Variants in FBLN1 observed in about 807,000 individuals in gnomAD.
FBLN1 encodes fibulin-1.
Under a neutral mutation model 89.7 loss-of-function variants are expected in FBLN1, and 34 were observed. That is an observed-to-expected ratio of 0.38 (90% CI 0.29 to 0.50). The LOEUF is 0.50. Ranked by LOEUF, FBLN1 falls within the 20% of genes least tolerant of loss-of-function variation. The pLI is 0.92. For missense variants in FBLN1, 777 were observed against 988.1 expected (o/e 0.79, Z 2.86); for synonymous variants, 393 against 391.3 (o/e 1.00, Z -0.05).
intron 2 of FBLN1, 30 bp from the exon 3 acceptor site, chr22:45,525,513 G>A (rs1216937370): frequency 1.3e-6 from 2 of 1,548,444 alleles, no homozygotes; most frequent in Non-Finnish European, 1.7e-6. Context: ...TGCGCACAGA[G>A]CCTTGGCCCA....
Position 45,526,521 on chromosome 22 carries a change from G to A in FBLN1, c.321+843G>A, listed in dbSNP as rs569066640. ...GCTTCTGTTGGAGGTGCCAGATGACGAAAATGCATTCCCTGGAAGAAGCTT... is the reference window on the plus strand; with the variant it reads ...GCTTCTGTTGGAGGTGCCAGATGACAAAAATGCATTCCCTGGAAGAAGCTT... On this transcript the variant is annotated intron_variant, in intron 3 of 16. Coordinates refer to ENST00000327858, the MANE Select transcript of FBLN1 (RefSeq NM_006486.3). 2.7e-4 allele frequency among the ~76,000 whole-genome samples: 41 copies of A among 150,662 alleles called. 2 individuals carry two copies. The South Asian group carries it at 4.7e-3, about 17-fold the overall frequency.
intron 1 of FBLN1, among the ~76,000 whole-genome samples, chr22:45,515,705 C>G (rs1011626804): frequency 6.6e-6 from 1 of 152,198 alleles, no homozygotes; most frequent in African/African-American, 2.4e-5. Context: ...GTTTAATCCT[C>G]CAGCGACTGT....
At chr22:45,509,681 A>G (rs2238803) in intron 1 of FBLN1, among the ~76,000 whole-genome samples, 83,365 of 151,862 alleles carry the variant, frequency 0.55, 23,207 homozygotes, top group East Asian at 0.8. Context: ...GCGTGGTGGT[A>G]GGCGCCTGTA....
At chr22:45,509,888 G>A (rs1457102440) in intron 1 of FBLN1, among the ~76,000 whole-genome samples, 1 of 152,126 alleles carries the variant, frequency 6.6e-6, no homozygotes, top group Non-Finnish European at 1.5e-5. Context: ...TGTGGGGCAG[G>A]TGGGGTGGGG....
chr22:45,555,266 AAATGGAATATATATATATATATAT>A (rs1431598967), intron 14 of FBLN1, among the ~76,000 whole-genome samples: 5 of 31,140 alleles, frequency 1.6e-4, no homozygotes, highest in South Asian at 1.1e-3. Flanking sequence ...TATATATATA[AAATGGAATATATATATATATATAT>A]AAAATGGAAT....
At chr22:45,534,035 C>T in intron 7 of FBLN1, 137 bp downstream of exon 7, 3 of 1,217,278 alleles carry the variant, frequency 2.5e-6, no homozygotes, top group Non-Finnish European at 3.6e-6. Flanking sequence ...TGCTCATCTG[C>T]AGGAGGGAGG....
Position 45,575,066 on chromosome 22 carries a change from G to C in FBLN1, c.1840+413G>C, listed in dbSNP as rs2088984667. ...CAAAGTGCTGGGATTACAGGCGTGA[G>C]CCACCGCGCCTGGCAACTTGACATG... is the stretch of plus-strand genomic sequence containing the variant. On this transcript the variant is annotated intron_variant, in intron 15 of 16. Transcript: ENST00000327858. The surrounding 1 kb of genome is among the most constrained non-coding windows in gnomAD (Gnocchi z 6.3). 6.6e-6 allele frequency among the ~76,000 whole-genome samples: 1 copy of C among 152,178 alleles called. No individual in the cohort carries two copies. Among genetic ancestry groups the C allele is most frequent in the Non-Finnish European group, 1.5e-5 (1 of 68,034 alleles).
At position 45,574,381 on chromosome 22, in the gene FBLN1, C is replaced by T. The variant is rs111747296; in HGVS notation, c.1698-130C>T. The stretch of plus-strand genomic sequence containing the variant: ...CCAGGCTGCAGAGACCACTGTCGTT[C>T]TCTGATGGAGCTGTCTCTGGGACAG... On this transcript the variant is annotated intron_variant, in intron 14 of 16. Transcript: ENST00000327858. The surrounding 1 kb of genome is among the most constrained non-coding windows in gnomAD (Gnocchi z 4.1). 19,953 of 979,558 alleles carry T rather than the reference C, an allele frequency of 0.02. 274 individuals are homozygous for T. The highest frequency in any genetic ancestry group is 0.027 in the Non-Finnish European group (17,136 of 636,028). 60.7% of individuals were successfully genotyped at this position (979,558 alleles called of 1,614,324 possible).
chr22:45,511,509 C>T (rs1449996835), intron 1 of FBLN1, among the ~76,000 whole-genome samples: 5 of 135,660 alleles, frequency 3.7e-5, no homozygotes, highest in African/African-American at 8.4e-5. Context: ...TACAGTGGCA[C>T]GATCTTGGCT....
At chr22:45,541,971 C>T (rs1472188116) in intron 9 of FBLN1, among the ~76,000 whole-genome samples, 184 bp from the exon 10 acceptor site, 3 of 152,232 alleles carry the variant, frequency 2.0e-5, no homozygotes, top group East Asian at 3.8e-4. Context: ...GTAGGGCTGC[C>T]TCTGGGTCAG....
In FBLN1 at chr22:45,579,383, A is replaced by G. The variant is rs1408081963; in HGVS notation, c.1972+2275A>G. Among the ~76,000 whole-genome samples, 2 of 152,264 alleles carry G rather than the reference A, an allele frequency of 1.3e-5. No homozygotes were observed. The highest frequency in any genetic ancestry group is 2.9e-5 in the Non-Finnish European group (2 of 68,040). On this transcript the variant is annotated intron_variant, in intron 16 of 16. Transcript: ENST00000327858. The surrounding 1 kb of genome is among the most constrained non-coding windows in gnomAD (Gnocchi z 5.5). ...CAATGGAAAGGAGTCCCAGGGTATGAGAGATGATCACAGGTGCCGTCCCGG... is the reference window on the plus strand; with the variant it reads ...CAATGGAAAGGAGTCCCAGGGTATGGGAGATGATCACAGGTGCCGTCCCGG...
chr22:45,567,574 C>A (rs2088910125), intron 14 of FBLN1, among the ~76,000 whole-genome samples: 1 of 152,152 alleles, frequency 6.6e-6, no homozygotes, highest in African/African-American at 2.4e-5. Flanking sequence ...CAAGATTGTG[C>A]CACCACACTC....
intron 14 of FBLN1, among the ~76,000 whole-genome samples, chr22:45,564,119 G>A (rs548330757): frequency 3.3e-5 from 5 of 152,284 alleles, no homozygotes; most frequent in South Asian, 4.1e-4. Flanking sequence ...GCTGGTATCC[G>A]AGCCCTGGTT....
intron 14 of FBLN1, among the ~76,000 whole-genome samples, chr22:45,558,930 G>A (rs954587747): frequency 5.9e-5 from 9 of 152,180 alleles, no homozygotes; most frequent in Admixed American, 2.0e-4. Context: ...TCACTTACTG[G>A]ATCCAATCAG....
chr22:45,547,291 C>T, intron 12 of FBLN1, 87 bp downstream of exon 12: 1 of 1,550,224 alleles, frequency 6.5e-7, no homozygotes, highest in South Asian at 1.1e-5. Context: ...TCAAAATCCA[C>T]AGGGAAGAGC....
chr22:45,584,225 T>A (rs1369111649), intron 16 of FBLN1, among the ~76,000 whole-genome samples: 1 of 152,174 alleles, frequency 6.6e-6, no homozygotes, highest in East Asian at 1.9e-4. Context: ...TCCATGAAAG[T>A]GAACTTGACA....
chr22:45,591,756 C>T (rs552464189), intron 16 of FBLN1, among the ~76,000 whole-genome samples: 20 of 152,122 alleles, frequency 1.3e-4, no homozygotes, highest in African/African-American at 4.6e-4. Flanking sequence ...TATGACTCAG[C>T]TAAGGGCAGT....
intron 14 of FBLN1, among the ~76,000 whole-genome samples, chr22:45,567,262 A>T (rs907835883): frequency 1.3e-5 from 2 of 152,240 alleles, no homozygotes; most frequent in South Asian, 4.1e-4. Context: ...ATATCTTATT[A>T]GCTAAAGGAG....
At position 45,512,203 on chromosome 22, in the gene FBLN1, G is replaced by A. The variant is rs142082917; in HGVS notation, c.80-6479G>A. ...GGATGGAAGAAGCAGGCGTGGCTTC[G>A]GTTGGCCCACATTATCCTCCTGACT... On this transcript the variant is annotated intron_variant, in intron 1 of 16. Coordinates refer to ENST00000327858, the MANE Select transcript of FBLN1 (RefSeq NM_006486.3). Among the ~76,000 whole-genome samples, 47 of 151,998 alleles carry A rather than the reference G, an allele frequency of 3.1e-4. No homozygotes were observed. The South Asian group carries it at 6.5e-3, about 21-fold the overall frequency.
Sources: gnomAD v4.1 joint callset for allele counts (sites outside exome capture counted in the v4.1 genomes callset) on GRCh38, gnomAD v4.1.1 for gene constraint, Gnocchi (gnomAD v3.1) non-coding constraint, MANE v1.5 for transcripts, NCBI Gene and HGNC (gene_info 2026-07-23, HGNC 2026-07-21) for gene names.